MS4A12: variants seen among roughly 807,000 people sequenced by gnomAD.
MS4A12 encodes the protein membrane spanning 4-domains A12.
MS4A12 carries 28 observed loss-of-function variants against 23.7 expected under a neutral mutation model. That is an observed-to-expected ratio of 1.18 (90% confidence interval 0.88 to 1.62). The LOEUF (loss-of-function observed/expected upper bound fraction) is 1.62. Ranked by LOEUF, MS4A12 falls within the 40% of genes most tolerant of loss-of-function variation. The pLI, the probability that MS4A12 is intolerant of heterozygous loss-of-function variation, is 0.00. For synonymous variants in MS4A12, 108 were observed against 110.1 expected, an observed-to-expected ratio of 0.98 and a Z score of 0.12; for missense variants, 342 against 327.0, an observed-to-expected ratio of 1.05 and a Z score of -0.35.
intron 5 of MS4A12, among the ~76,000 whole-genome samples, chr11:60,504,213 G>A (rs1012562588): frequency 3.3e-5 from 5 of 152,218 alleles, no homozygotes; most frequent in Admixed American, 6.5e-5. Context: ...AAATGACAGG[G>A]ATAAGAACAT....
At chr11:60,503,894 A>G (rs969977860) in intron 5 of MS4A12, 77 bp downstream of exon 5, 2 of 1,223,090 alleles carry the variant, frequency 1.6e-6, no homozygotes, top group African/African-American at 1.5e-5. Flanking sequence ...ATTTCTTAAT[A>G]CCGTATACCA....
chr11:60,501,745 C>G (rs569302968), intron 3 of MS4A12, among the ~76,000 whole-genome samples: 2 of 152,088 alleles, frequency 1.3e-5, no homozygotes, highest in South Asian at 4.2e-4. Context: ...CAGTAAGCCT[C>G]AGAACAAGGA....
intron 2 of MS4A12, 90 bp downstream of exon 2, chr11:60,497,684 T>C (rs1487103485): frequency 7.3e-7 from 1 of 1,374,418 alleles, no homozygotes; most frequent in Non-Finnish European, 1.0e-6. Context: ...GCTAAAAAGT[T>C]CTGAACGTTA....
chr11:60,498,282 C>G (rs2086504841), intron 2 of MS4A12, among the ~76,000 whole-genome samples: 1 of 152,226 alleles, frequency 6.6e-6, no homozygotes, highest in African/African-American at 2.4e-5. Context: ...TTAAGTCTCT[C>G]CCTGTGAATA....
chr11:60,503,389 T>C (rs1424341137), intron 4 of MS4A12, among the ~76,000 whole-genome samples: 2 of 152,240 alleles, frequency 1.3e-5, no homozygotes, highest in Admixed American at 1.3e-4. Context: ...ATTAGAAGTT[T>C]GTTTTTTCAT....
chr11:60,501,229 T>TC, intron 3 of MS4A12, 47 bp downstream of exon 3: 1 of 1,529,252 alleles, frequency 6.5e-7, no homozygotes, highest in Non-Finnish European at 8.8e-7. Context: ...TATAAAGTAT[T>TC]CCCTCTTGGT....
chr11:60,500,611 C>T (rs192119360), intron 2 of MS4A12, among the ~76,000 whole-genome samples: 14 of 152,156 alleles, frequency 9.2e-5, no homozygotes, highest in African/African-American at 2.9e-4. Flanking sequence ...ATAATTCATG[C>T]CTAATAAATG....
At chr11:60,506,284 G>A (rs1185048996) in intron 5 of MS4A12, among the ~76,000 whole-genome samples, 3 of 151,732 alleles carry the variant, frequency 2.0e-5, no homozygotes, top group Non-Finnish European at 2.9e-5. Context: ...TCCCTCTCAC[G>A]GCATCTTTCC....
chr11:60,506,621 G>A lies in MS4A12; in HGVS notation c.589-107G>A, dbSNP rs1218824432. On this transcript the variant is annotated intron_variant, in intron 5 of 6. Coordinates refer to ENST00000016913, the MANE Select transcript of MS4A12 (RefSeq NM_017716.3). ...ATGATACTGGAAGAATAAGCATGGA[G>A]CGAGTTGAGTATAAGCAATAGCACA... is the stretch of plus-strand genomic sequence containing the variant. 16 of 719,528 alleles carry A rather than the reference G, an allele frequency of 2.2e-5. No individual in the cohort carries two copies. The Middle Eastern group carries it at 8.3e-4, about 37-fold the overall frequency. 44.6% of individuals were successfully genotyped at this position (719,528 alleles called of 1,614,324 possible).
chr11:60,495,086 G>C (rs137886661), intron 1 of MS4A12, among the ~76,000 whole-genome samples: 2 of 150,934 alleles, frequency 1.3e-5, no homozygotes, highest in African/African-American at 4.9e-5. Context: ...TCCACCTCCC[G>C]GGTTCACACC....
intron 5 of MS4A12, among the ~76,000 whole-genome samples, chr11:60,506,054 T>C (rs2086567529): frequency 6.6e-6 from 1 of 152,202 alleles, no homozygotes; most frequent in African/African-American, 2.4e-5. Flanking sequence ...AACATGGATA[T>C]AAAACAACCG....
rs776984695 is a variant in MS4A12, at chr11:60,501,039, T to C, written c.277-6T>C. On this transcript the variant is annotated splice_region_variant and splice_polypyrimidine_tract_variant and intron_variant, in intron 2 of 6. Transcript: ENST00000016913. ...GTAATTTTAAATGGCTGTTTTCTTT[T>C]TTCAGGTGATCCAGATCATGGTTGG... 4 of 1,591,130 alleles carry C rather than the reference T, an allele frequency of 2.5e-6. No homozygotes were observed. Among genetic ancestry groups the C allele is most frequent in the Non-Finnish European group, 3.4e-6 (4 of 1,173,204 alleles).
chr11:60,493,487 TTGA>T (rs1412517060), intron 1 of MS4A12, among the ~76,000 whole-genome samples: 1 of 152,124 alleles, frequency 6.6e-6, no homozygotes, highest in Non-Finnish European at 1.5e-5. Flanking sequence ...CACTGGGCAC[TTGA>T]TGATTATGTG....
intron 3 of MS4A12, 35 bp downstream of exon 3, chr11:60,501,217 T>G: frequency 6.4e-7 from 1 of 1,555,734 alleles, no homozygotes; most frequent in Non-Finnish European, 8.7e-7. Context: ...TCCTTCTTGG[T>G]TTATAAAGTA....
intron 1 of MS4A12, among the ~76,000 whole-genome samples, chr11:60,494,813 T>C (rs1377077072): frequency 2.6e-5 from 4 of 152,136 alleles, no homozygotes; most frequent in African/African-American, 7.2e-5. Flanking sequence ...AAGTAGCAGA[T>C]TGAAGATTAG....
chr11:60,502,069 C>G, intron 4 of MS4A12, 30 bp downstream of exon 4: 1 of 1,576,516 alleles, frequency 6.3e-7, no homozygotes, highest in Non-Finnish European at 8.7e-7. Flanking sequence ...CTTTTTGAAC[C>G]CCTTTAAAGA....
chr11:60,504,487 G>T (rs1590863470), intron 5 of MS4A12, among the ~76,000 whole-genome samples: 1 of 152,156 alleles, frequency 6.6e-6, no homozygotes, highest in Non-Finnish European at 1.5e-5. Context: ...CATTCTGTGA[G>T]CAATGGAAAA....
At position 60,507,176 on chromosome 11, in the gene MS4A12, A is replaced by G. The variant is rs1412430651; in HGVS notation, c.*52A>G. On this transcript the variant is annotated 3_prime_UTR_variant, in exon 7 of 7. Transcript: ENST00000016913. The stretch of plus-strand genomic sequence containing the variant: ...TCTCATGGAGAAAAACTACTTGCAA[A>G]AACTTCTTAAGAAGATGTCTTTTAT... The G allele has an allele frequency of 1.5e-6, 2 of 1,368,486 alleles. No homozygotes were observed. The highest frequency in any genetic ancestry group is 2.1e-6 in the Non-Finnish European group (2 of 962,726). 84.8% of individuals were successfully genotyped at this position (1,368,486 alleles called of 1,614,324 possible). A position where few individuals can be genotyped will look rare whatever the true frequency, so the allele number is the denominator to read the frequency against.
At chr11:60,493,048 TA>T (rs1321816928) in intron 1 of MS4A12, 1 of 151,994 alleles carries the variant, frequency 6.6e-6, no homozygotes, top group African/African-American at 2.4e-5. Flanking sequence ...TTGGTTGCTG[TA>T]CAAGAGATAA....
Sources: allele counts gnomAD v4.1 joint callset (sites outside exome capture counted in the v4.1 genomes callset), GRCh38; gene constraint gnomAD v4.1.1; transcripts MANE v1.5; gene names NCBI Gene and HGNC (gene_info 2026-07-23, HGNC 2026-07-21).